The following PPP1R16A variants were observed in gnomAD, a reference collection of about 807,000 sequenced individuals.
PPP1R16A encodes the protein myosin phosphatase-targeting subunit 3.
In PPP1R16A, 39 loss-of-function variants were observed where a neutral mutation model predicts 46.6. The ratio of observed to expected loss-of-function variants is 0.84; its 90% CI spans 0.65 to 1.09. The LOEUF is 1.09. PPP1R16A is among the 50% of genes least tolerant of loss of function. The pLI is 0.00. For missense variants in PPP1R16A, 798 were observed against 735.6 expected, an observed-to-expected ratio of 1.08 and a Z score of -0.98; for synonymous variants, 413 against 321.5, an observed-to-expected ratio of 1.28 and a Z score of -3.04.
Position 144,497,647 on chromosome 8 carries a change from C to T in PPP1R16A, c.259+194C>T, listed in dbSNP as rs1399880985. 3.9e-6 allele frequency: 3 copies of T among 764,152 alleles called. No individual in the cohort carries two copies. In the Admixed American group the frequency reaches 6.0e-5, roughly 15 times the overall value. The allele number at this position is 764,152 out of a possible 1,614,324, so 47.3% of individuals were successfully genotyped here. On this transcript the variant is annotated intron_variant, in intron 3 of 11. Coordinates refer to ENST00000435887, the MANE Select transcript of PPP1R16A (RefSeq NM_001329443.2). ...GGCAAGCCCCAAGCAGTGGGCAGCC[C>T]TGAGGTGAGCCTGTGCGGGACAGCC...
intron 1 of PPP1R16A, among the ~76,000 whole-genome samples, chr8:144,484,860 A>C (rs1334673250): frequency 6.6e-6 from 1 of 152,208 alleles, no homozygotes; most frequent in Non-Finnish European, 1.5e-5. Context: ...GGCAGCTGTT[A>C]CTGAGGTAAA....
intron 1 of PPP1R16A, among the ~76,000 whole-genome samples, chr8:144,480,279 A>AAGG: frequency 6.6e-6 from 1 of 152,240 alleles, no homozygotes; most frequent in Non-Finnish European, 1.5e-5. Context: ...AGGGCTAGGC[A>AAGG]GCAAACATTT....
chr8:144,500,920 G>T lies in PPP1R16A; in HGVS notation c.986G>T (p.Ser329Ile), dbSNP rs1270728183. The change falls in exon 10 of 12, where the codon AGC (serine) becomes ATC (isoleucine). Residue 329 changes from serine to isoleucine, a missense_variant. Ser to Ile is a moderately radical substitution (Grantham distance 142). Coordinates refer to ENST00000435887, the MANE Select transcript of PPP1R16A (RefSeq NM_001329443.2). Reference sequence around the variant, plus strand: ...CACGACGCCCTCCTGCGCGCCCAGAGCCGCCAGCGCTCCTTGCTGCGCCGC... The same window carrying T: ...CACGACGCCCTCCTGCGCGCCCAGATCCGCCAGCGCTCCTTGCTGCGCCGC... ...HKHDALLRAQ[S>I]RQRSLLRRRT... The T allele has an allele frequency of 5.2e-6, 8 of 1,528,388 alleles. No individual in the cohort carries two copies. The highest frequency in any genetic ancestry group is 7.0e-6 in the Non-Finnish European group (8 of 1,141,518). 94.7% of individuals were successfully genotyped at this position (1,528,388 alleles called of 1,614,324 possible). A position where few individuals can be genotyped will look rare whatever the true frequency, so the allele number is the denominator to read the frequency against.
Position 144,497,461 on chromosome 8 carries a change from T to A in PPP1R16A, c.259+8T>A. ...GAAATGACCTGGAAGAAGGTGAGTG[T>A]GGCTGAGCCCAGAGCAGCTCCCAGC... is the stretch of plus-strand genomic sequence containing the variant. On this transcript the variant is annotated splice_region_variant and intron_variant, in intron 3 of 11. Coordinates refer to ENST00000435887, the MANE Select transcript of PPP1R16A (RefSeq NM_001329443.2). 6.2e-7 allele frequency: 1 copy of A among 1,612,502 alleles called. No homozygotes were observed. The highest frequency in any genetic ancestry group is 8.5e-7 in the Non-Finnish European group (1 of 1,179,956).
chr8:144,478,121 G>T lies in PPP1R16A; in HGVS notation c.-920G>T. ...CCACTTGTGCGGCGGTCGGCGCGGG[G>T]CGCGAGGTGAGGCGCGGACTCCCGG... is the stretch of plus-strand genomic sequence containing the variant. On this transcript the variant is annotated 5_prime_UTR_variant, in exon 1 of 12. Coordinates refer to ENST00000435887, the MANE Select transcript of PPP1R16A (RefSeq NM_001329443.2). The T allele has an allele frequency of 2.5e-6, 1 of 395,554 alleles. No individual in the cohort carries two copies. The highest frequency in any genetic ancestry group is 4.5e-6 in the Non-Finnish European group (1 of 223,988). 24.5% of individuals were successfully genotyped at this position (395,554 alleles called of 1,614,324 possible).
intron 2 of PPP1R16A, among the ~76,000 whole-genome samples, chr8:144,492,167 G>A (rs1019607663): frequency 1.3e-5 from 2 of 152,158 alleles, no homozygotes; most frequent in Non-Finnish European, 2.9e-5. Flanking sequence ...CCGCCCAGAT[G>A]CCACCCGCTG....
intron 1 of PPP1R16A, among the ~76,000 whole-genome samples, chr8:144,480,698 A>G (rs1414778797): frequency 1.3e-5 from 2 of 151,906 alleles, no homozygotes; most frequent in African/African-American, 2.4e-5. Flanking sequence ...GTTGGCCAGA[A>G]TGGTCTCGAA....
In PPP1R16A at chr8:144,489,718, C is replaced by T. The variant is rs200569546; in HGVS notation, c.-913-316C>T. Among the ~76,000 whole-genome samples the T allele has an allele frequency of 7.9e-5, 12 of 152,242 alleles. No individual in the cohort carries two copies. The East Asian group carries it at 2.3e-3, about 29-fold the overall frequency. On this transcript the variant is annotated intron_variant, in intron 1 of 11. Coordinates refer to ENST00000435887, the MANE Select transcript of PPP1R16A (RefSeq NM_001329443.2). ...TGCATCCTGCAACTCAGCTCCAGTCCCCAGATGTAGGCTGCTTAAGTGCAG... is the reference window on the plus strand; with the variant it reads ...TGCATCCTGCAACTCAGCTCCAGTCTCCAGATGTAGGCTGCTTAAGTGCAG...
chr8:144,500,773 G>A lies in PPP1R16A; in HGVS notation c.907+12G>A. On this transcript the variant is annotated intron_variant, in intron 9 of 11. Transcript: ENST00000435887. ...CGAGACGCCCCTTGGTGAGCTTGCGGGGCCCACCTCCACCTGGGGGAGAGG... is the reference window on the plus strand; with the variant it reads ...CGAGACGCCCCTTGGTGAGCTTGCGAGGCCCACCTCCACCTGGGGGAGAGG... The A allele has an allele frequency of 1.9e-6, 3 of 1,610,274 alleles. No homozygotes were observed. Among genetic ancestry groups the A allele is most frequent in the Non-Finnish European group, 2.5e-6 (3 of 1,179,066 alleles).
At position 144,501,181 on chromosome 8, in the gene PPP1R16A, C is replaced by G. The variant is rs376008663; in HGVS notation, c.1090C>G (p.Gln364Glu). 1.2e-6 allele frequency: 2 copies of G among 1,610,338 alleles called. No homozygotes were observed. The highest frequency in any genetic ancestry group is 2.7e-5 in the African/African-American group (2 of 74,908). Residue 364 changes from glutamine (Q) to glutamate (E), a missense_variant, in exon 11 of 12, where the codon CAG becomes GAG. Transcript: ENST00000435887. ...LTQRTDLYRK[Q>E]HAQEAIVWQQ... is the part of the protein sequence containing the mutation. Reference sequence around the variant, plus strand: ...CCAGCGCACCGACCTGTACCGCAAGCAGCACGCCCAGGAGGCCATCGTGTG... The same window carrying G: ...CCAGCGCACCGACCTGTACCGCAAGGAGCACGCCCAGGAGGCCATCGTGTG...
Position 144,500,912 on chromosome 8 carries a change from C to G in PPP1R16A, c.978C>G (p.Arg326=). 1 of 1,532,294 alleles carries G rather than the reference C, an allele frequency of 6.5e-7. No individual in the cohort carries two copies. Among genetic ancestry groups the G allele is most frequent in the Non-Finnish European group, 8.8e-7 (1 of 1,142,680 alleles). The allele number at this position is 1,532,294 out of a possible 1,614,324, so 94.9% of individuals were successfully genotyped here. ...AGCACAAGCACGACGCCCTCCTGCG[C>G]GCCCAGAGCCGCCAGCGCTCCTTGC... ...ELKHKHDALL[R]AQSRQRSLLR... Residue 326 remains arginine (R), a synonymous_variant, in exon 10 of 12, where the codon CGC becomes CGG. Transcript: ENST00000435887.
chr8:144,498,675 T>G, intron 3 of PPP1R16A, 95 bp from the exon 4 acceptor site: 1 of 1,272,216 alleles, frequency 7.9e-7, no homozygotes, highest in Non-Finnish European at 1.1e-6. Context: ...GGCACCACTG[T>G]CTTCCTTGTC....
chr8:144,501,906 C>A lies in PPP1R16A; in HGVS notation c.*3C>A, dbSNP rs1206904840. The stretch of plus-strand genomic sequence containing the variant: ...GGCCGTGCTGCCTGCTCATGTGAGG[C>A]TGTTGCTCAGCATGCAGGGGCCCTG... On this transcript the variant is annotated 3_prime_UTR_variant, in exon 12 of 12. Coordinates refer to ENST00000435887, the MANE Select transcript of PPP1R16A (RefSeq NM_001329443.2). 1 of 1,516,350 alleles carries A rather than the reference C, an allele frequency of 6.6e-7. No individual in the cohort carries two copies. The highest frequency in any genetic ancestry group is 8.8e-7 in the Non-Finnish European group (1 of 1,131,980). The allele number at this position is 1,516,350 out of a possible 1,614,324, so 93.9% of individuals were successfully genotyped here. A position where few individuals can be genotyped will look rare whatever the true frequency, so the allele number is the denominator to read the frequency against.
chr8:144,492,037 C>T (rs1419401904), intron 2 of PPP1R16A, among the ~76,000 whole-genome samples: 1 of 152,174 alleles, frequency 6.6e-6, no homozygotes, highest in Non-Finnish European at 1.5e-5. Context: ...TATTAAAGCC[C>T]CCAGAGCCAG....
At chr8:144,494,215 G>A (rs994571521) in intron 2 of PPP1R16A, among the ~76,000 whole-genome samples, 4 of 151,712 alleles carry the variant, frequency 2.6e-5, no homozygotes, top group Non-Finnish European at 5.9e-5. Context: ...CAAGCGACCA[G>A]CCTGCTTAGG....
chr8:144,478,189 G>A (rs1825253845), intron 1 of PPP1R16A, 62 bp downstream of exon 1: 1 of 393,244 alleles, frequency 2.5e-6, no homozygotes, highest in African/African-American at 2.1e-5. Flanking sequence ...GCCCCGGCCA[G>A]GGAGAGCAGT....
intron 11 of PPP1R16A, 64 bp downstream of exon 11, chr8:144,501,358 T>C (rs1218084415): frequency 6.6e-6 from 10 of 1,514,152 alleles, no homozygotes; most frequent in Non-Finnish European, 7.9e-6. Flanking sequence ...TGGTTCTCTC[T>C]CCGCTTGGAC....
Position 144,501,124 on chromosome 8 carries a change from C to A in PPP1R16A, c.1038-5C>A, listed in dbSNP as rs547236150. 6.2e-7 allele frequency: 1 copy of A among 1,610,662 alleles called. No homozygotes were observed. Among genetic ancestry groups the A allele is most frequent in the East Asian group, 2.2e-5 (1 of 44,852 alleles). On this transcript the variant is annotated splice_region_variant and splice_polypyrimidine_tract_variant and intron_variant, in intron 10 of 11. Coordinates refer to ENST00000435887, the MANE Select transcript of PPP1R16A (RefSeq NM_001329443.2). Reference sequence around the variant, plus strand: ...CCCTCACTCCCTCTCCTCTCTCCTCCCCAGGAAGGTGGTGAGGCGGGTGAG... The same window carrying A: ...CCCTCACTCCCTCTCCTCTCTCCTCACCAGGAAGGTGGTGAGGCGGGTGAG...
rs972701511 is a variant in PPP1R16A, at chr8:144,478,056, A to G, written c.-985A>G. The G allele has an allele frequency of 2.5e-6, 1 of 395,126 alleles. No individual in the cohort carries two copies. The highest frequency in any genetic ancestry group is 4.5e-6 in the Non-Finnish European group (1 of 223,782). 24.5% of individuals were successfully genotyped at this position (395,126 alleles called of 1,614,324 possible). On this transcript the variant is annotated 5_prime_UTR_variant, in exon 1 of 12. Coordinates refer to ENST00000435887, the MANE Select transcript of PPP1R16A (RefSeq NM_001329443.2). ...GCGGGGCCCGCCCCCGCAGCGCCTC[A>G]GGGAGCGCGGGGCCCACTGACCCGC...
Sources: allele counts gnomAD v4.1 joint callset (sites outside exome capture counted in the v4.1 genomes callset), GRCh38; gene constraint gnomAD v4.1.1; transcripts MANE v1.5; gene names NCBI Gene and HGNC (gene_info 2026-07-23, HGNC 2026-07-21).